Variants in NID2 observed in about 807,000 individuals in gnomAD.
NID2 encodes nidogen 2.
A neutral mutation model predicts 145.4 loss-of-function variants in NID2; 83 were observed. That is an observed-to-expected ratio of 0.57 (90% CI 0.48 to 0.69). NID2 has a LOEUF of 0.69. NID2 is among the 30% of genes least tolerant of loss of function. NID2 has a pLI of 0.00. For synonymous variants in NID2, 739 were observed against 701.3 expected, an observed-to-expected ratio of 1.05 and a Z score of -0.85; for missense variants, 1,807 against 1,765.7, an observed-to-expected ratio of 1.02 and a Z score of -0.42.
intron 5 of NID2, among the ~76,000 whole-genome samples, chr14:52,044,820 G>A (rs963810822): frequency 6.6e-6 from 1 of 151,740 alleles, no homozygotes; most frequent in African/African-American, 2.4e-5. Context: ...GTCTCCCTGC[G>A]TTGCCCAGGT....
intron 9 of NID2, among the ~76,000 whole-genome samples, chr14:52,036,302 T>G (rs1892067970): frequency 6.6e-6 from 1 of 152,182 alleles, no homozygotes; most frequent in Non-Finnish European, 1.5e-5. Context: ...TACCTTCACT[T>G]AAGGTTTTCA....
rs148834275 is a variant in NID2, at chr14:52,014,414, C to T, written c.3293G>A (p.Arg1098Gln). ...VAPPMVRPTP[R>Q]PDVTPPSVGT... ...CACAGATGGAGGGGTCACATCTGGC[C>T]GGGGCGTGGGCCGGACCATGGGTGG... The change falls in exon 16 of 22, where the codon CGG becomes CAG. Residue 1098 changes from arginine (R) to glutamine (Q), a missense_variant. By Grantham distance (43) the Arg-to-Gln change is conservative. Transcript: ENST00000216286. 1.1e-5 allele frequency: 18 copies of T among 1,613,834 alleles called. No individual in the cohort carries two copies. Among genetic ancestry groups the T allele is most frequent in the Middle Eastern group, 1.6e-4 (1 of 6,084 alleles).
At chr14:52,014,085 C>T (rs1458722077) in intron 16 of NID2, 4 of 666,108 alleles carry the variant, frequency 6.0e-6, no homozygotes, top group Non-Finnish European at 8.0e-6. Context: ...GAGAGCACAG[C>T]CTTGGTCAGT....
At chr14:52,054,956 G>A (rs1250212581) in intron 3 of NID2, among the ~76,000 whole-genome samples, 1 of 152,178 alleles carries the variant, frequency 6.6e-6, no homozygotes, top group Non-Finnish European at 1.5e-5. Context: ...AACAAGGAAT[G>A]TAGGAATGTT....
intron 12 of NID2, among the ~76,000 whole-genome samples, chr14:52,021,577 A>G (rs1891402527): frequency 6.6e-6 from 1 of 152,204 alleles, no homozygotes; most frequent in Non-Finnish European, 1.5e-5. Flanking sequence ...TATAATTAGA[A>G]GGTAAGTATT....
rs545679290 is a variant in NID2 at position 52,005,526 on chromosome 14, GTGGT to G, written c.4118-34_4118-31del. On this transcript the variant is annotated intron_variant, in intron 21 of 21. Coordinates refer to ENST00000216286, the MANE Select transcript of NID2 (RefSeq NM_007361.4). ...GAGAGAAGAGCAGGGGTGGGACAGGGTGGTGGGTGAGTATATTGTAACCAAGTTG... is the reference window on the plus strand; with the variant it reads ...GAGAGAAGAGCAGGGGTGGGACAGGGGGGTGAGTATATTGTAACCAAGTTG... The G allele has an allele frequency of 3.1e-6, 5 of 1,592,890 alleles. No homozygotes were observed. The Admixed American group carries it at 9.0e-5, about 29-fold the overall frequency.
At chr14:52,007,549 T>C (rs1890833541) in intron 19 of NID2, 1 of 433,754 alleles carries the variant, frequency 2.3e-6, no homozygotes, top group South Asian at 2.8e-5. Flanking sequence ...CTAATTCTTT[T>C]AACTGTTAAA....
chr14:52,061,019 C>T (rs1595056613), intron 2 of NID2, among the ~76,000 whole-genome samples: 1 of 152,184 alleles, frequency 6.6e-6, no homozygotes, highest in Admixed American at 6.5e-5. Context: ...CCAGCCAGCT[C>T]TAGAGCCCAC....
chr14:52,067,536 A>G (rs1440568976), intron 2 of NID2, among the ~76,000 whole-genome samples: 2 of 152,216 alleles, frequency 1.3e-5, no homozygotes, highest in African/African-American at 4.8e-5. Flanking sequence ...AAATACTTGT[A>G]TACTTAGAGA....
intron 12 of NID2, among the ~76,000 whole-genome samples, chr14:52,023,832 G>A (rs1891484860): frequency 6.6e-6 from 1 of 152,212 alleles, no homozygotes; most frequent in Non-Finnish European, 1.5e-5. Flanking sequence ...AAATCCAAGT[G>A]CAGCCTCTCC....
Position 52,042,906 on chromosome 14 carries a change from C to T in NID2, c.1455G>A (p.Lys485=), listed in dbSNP as rs763025579. 7 of 1,614,030 alleles carry T rather than the reference C, an allele frequency of 4.3e-6. No homozygotes were observed. The highest frequency in any genetic ancestry group is 1.7e-5 in the Admixed American group (1 of 60,000). ...GTCTGTGGTTGTGTTCACAGGTTTCCTTGTTGGCAGCATTATACGTGAAGA... is the reference window on the plus strand; with the variant it reads ...GTCTGTGGTTGTGTTCACAGGTTTCTTTGTTGGCAGCATTATACGTGAAGA... ...TEVFTYNAAN[K]ETCEHNHRQC... is the part of the protein sequence containing the mutation. The change falls in exon 6 of 22, where the codon AAG becomes AAA. Residue 485 remains lysine, a synonymous_variant. Transcript: ENST00000216286.
At chr14:52,053,982 G>T (rs376754268) in intron 4 of NID2, 38 bp downstream of exon 4, 5 of 1,610,136 alleles carry the variant, frequency 3.1e-6, no homozygotes, top group Non-Finnish European at 3.4e-6. Flanking sequence ...TTGGATGCAA[G>T]GGGGAGGACA....
Position 52,014,387 on chromosome 14 carries a change from C to T in NID2, c.3320G>A (p.Gly1107Asp). 2 of 1,614,184 alleles carry T rather than the reference C, an allele frequency of 1.2e-6. No homozygotes were observed. Among genetic ancestry groups the T allele is most frequent in the Non-Finnish European group, 1.7e-6 (2 of 1,180,016 alleles). Residue 1107 changes from glycine to aspartate, a missense_variant, in exon 16 of 22, where the codon GGC (glycine) becomes GAC (aspartate). Physicochemically the swap from Gly to Asp is moderately conservative, Grantham distance 94. Transcript: ENST00000216286. ...GCCCTGAGTATAGAGCAGGAAGGTG[C>T]CCACAGATGGAGGGGTCACATCTGG... ...PRPDVTPPSV[G>D]TFLLYTQGQQ...
At chr14:52,009,008 A>G (rs1890904656) in intron 18 of NID2, 1 of 152,258 alleles carries the variant, frequency 6.6e-6, no homozygotes. Flanking sequence ...TTAGAGCAGA[A>G]ATAATGTTGA....
chr14:52,046,429 GTATCT>G (rs1892498197), intron 5 of NID2, among the ~76,000 whole-genome samples: 1 of 151,446 alleles, frequency 6.6e-6, no homozygotes, highest in Non-Finnish European at 1.5e-5. Context: ...GGCTTGGATT[GTATCT>G]TATTTCAGTT....
chr14:52,014,119 G>C (rs1891126902), intron 16 of NID2, 168 bp downstream of exon 16: 3 of 792,262 alleles, frequency 3.8e-6, no homozygotes, highest in East Asian at 5.2e-5. Context: ...CAGCAAGAGA[G>C]AGCCCTGGTC....
chr14:52,041,482 G>T (rs1892276818), intron 7 of NID2, among the ~76,000 whole-genome samples: 1 of 152,218 alleles, frequency 6.6e-6, no homozygotes, highest in Non-Finnish European at 1.5e-5. Context: ...CAAGTTTTCA[G>T]GTTGGAAGGT....
At chr14:52,051,391 T>A (rs767883886) in intron 5 of NID2, among the ~76,000 whole-genome samples, 33 of 152,044 alleles carry the variant, frequency 2.2e-4, no homozygotes, top group Admixed American at 6.6e-5. Flanking sequence ...GAGCCAAGGG[T>A]CAAACAGACT....
chr14:52,053,359 CATT>C lies in NID2; in HGVS notation c.1429+217_1429+219del, dbSNP rs34989776. Reference sequence around the variant, plus strand: ...TCATGAGGCCCATATTTTAAAAAAACATTATTAATGATCAAGAGATTCCGAACA... The same window carrying C: ...TCATGAGGCCCATATTTTAAAAAAACATTAATGATCAAGAGATTCCGAACA... On this transcript the variant is annotated intron_variant, in intron 5 of 21. Transcript: ENST00000216286. 7.2e-3 allele frequency among the ~76,000 whole-genome samples: 1,090 copies of C among 152,304 alleles called. 16 individuals are homozygous for C. Among genetic ancestry groups the C allele is most frequent in the African/African-American group, 0.025 (1,039 of 41,548 alleles).
Sources: gnomAD v4.1 joint callset for allele counts (sites outside exome capture counted in the v4.1 genomes callset) on GRCh38, gnomAD v4.1.1 for gene constraint, MANE v1.5 for transcripts, NCBI Gene and HGNC (gene_info 2026-07-23, HGNC 2026-07-21) for gene names.